MRPS6: variants seen among roughly 807,000 people sequenced by gnomAD.
The protein encoded by MRPS6 is small ribosomal subunit protein bS6m.
MRPS6 carries 6 observed loss-of-function variants against 13.1 expected under a neutral mutation model. The observed-to-expected ratio is 0.46, with a 90% CI of 0.25 to 0.91. The LOEUF (loss-of-function observed/expected upper bound fraction) is 0.91. MRPS6 is among the 40% of genes least tolerant of loss of function. MRPS6 has a pLI of 0.18. For missense variants in MRPS6, 164 were observed against 155.6 expected, an observed-to-expected ratio of 1.05 and a Z score of -0.29; for synonymous variants, 61 against 56.5, an observed-to-expected ratio of 1.08 and a Z score of -0.36.
At chr21:34,132,931 GTC>G (rs1980553934) in intron 2 of MRPS6, among the ~76,000 whole-genome samples, 2 of 152,164 alleles carry the variant, frequency 1.3e-5, no homozygotes, top group South Asian at 2.1e-4. Flanking sequence ...ACCTTTTTGA[GTC>G]TCTCTTCTTA....
In MRPS6 at chr21:34,142,690, T is replaced by C; in HGVS notation, c.*90T>C. On this transcript the variant is annotated 3_prime_UTR_variant, in exon 3 of 3. Transcript: ENST00000399312. ...GAAGAATTTGCAAGTTTGGCCTTTA[T>C]ATAAGCATGTGTTGCAGGTGCTGTT... The C allele has an allele frequency of 1.4e-6, 2 of 1,396,780 alleles. No homozygotes were observed. Among genetic ancestry groups the C allele is most frequent in the East Asian group, 2.6e-5 (1 of 38,648 alleles). The allele number at this position is 1,396,780 out of a possible 1,614,324, so 86.5% of individuals were successfully genotyped here. A position where few individuals can be genotyped will look rare whatever the true frequency, so the allele number is the denominator to read the frequency against.
At chr21:34,076,444 AT>A (rs1569411359) in intron 1 of MRPS6, among the ~76,000 whole-genome samples, 1 of 152,222 alleles carries the variant, frequency 6.6e-6, no homozygotes, top group Non-Finnish European at 1.5e-5. Context: ...AGTCAGTCAT[AT>A]TGAACTATAC....
chr21:34,098,297 A>G, intron 1 of MRPS6: 1 of 1,000,092 alleles, frequency 1.0e-6, no homozygotes, highest in Non-Finnish European at 1.2e-6. Flanking sequence ...ATGCCTTCCT[A>G]GGTGGATCCA....
chr21:34,139,558 T>A (rs927213820), intron 2 of MRPS6, among the ~76,000 whole-genome samples: 1 of 152,174 alleles, frequency 6.6e-6, no homozygotes, highest in Non-Finnish European at 1.5e-5. Context: ...AGGAATTTGA[T>A]CATTTCATCT....
intron 1 of MRPS6, chr21:34,125,042 T>C (rs1260480925): frequency 4.6e-5 from 12 of 259,518 alleles, no homozygotes; most frequent in Admixed American, 4.1e-4. Context: ...GCCGAGGTGC[T>C]CTGAAGAAGC....
chr21:34,132,236 A>G (rs2123265743), intron 2 of MRPS6, among the ~76,000 whole-genome samples: 1 of 152,084 alleles, frequency 6.6e-6, no homozygotes, highest in African/African-American at 2.4e-5. Flanking sequence ...CGAATACAGT[A>G]AGGTCTGCCT....
At chr21:34,105,557 G>T in intron 1 of MRPS6, 1 of 999,768 alleles carries the variant, frequency 1.0e-6, no homozygotes, top group Non-Finnish European at 1.2e-6. Flanking sequence ...TGCTTATGAT[G>T]CTTTGTTCAG....
At chr21:34,109,541 G>A (rs770610235) in intron 1 of MRPS6, among the ~76,000 whole-genome samples, 102 of 152,172 alleles carry the variant, frequency 6.7e-4, no homozygotes, top group Admixed American at 3.2e-3. Context: ...ATTTAGAGCT[G>A]TGCCTGTGCC....
rs533974191 is a variant in MRPS6 at position 34,091,308 on chromosome 21, G to A, written c.45+17563G>A. ...CTTATGACTTGAAGCCCTGAGTATAGGAGATAATTTTTCTTGTTCCTTGTT... is the reference window on the plus strand; with the variant it reads ...CTTATGACTTGAAGCCCTGAGTATAAGAGATAATTTTTCTTGTTCCTTGTT... On this transcript the variant is annotated intron_variant, in intron 1 of 2. Transcript: ENST00000399312. 8.7e-4 allele frequency among the ~76,000 whole-genome samples: 133 copies of A among 152,256 alleles called. 1 individual carries two copies. In the South Asian group the frequency reaches 0.014, roughly 16 times the overall value.
intron 1 of MRPS6, among the ~76,000 whole-genome samples, chr21:34,086,874 T>C (rs1978415570): frequency 6.6e-6 from 1 of 152,154 alleles, no homozygotes; most frequent in Admixed American, 6.5e-5. Context: ...CTTGGGTTTC[T>C]GTTGGGTGAG....
In MRPS6 at chr21:34,115,598, T is replaced by C. The variant is rs566568405; in HGVS notation, c.46-9743T>C. On this transcript the variant is annotated intron_variant, in intron 1 of 2. Coordinates refer to ENST00000399312, the MANE Select transcript of MRPS6 (RefSeq NM_032476.4). Reference sequence around the variant, plus strand: ...TTATACCTCTCTGATTATTACTATATTGTTAAAAGCCTGGATGGACACGGA... The same window carrying C: ...TTATACCTCTCTGATTATTACTATACTGTTAAAAGCCTGGATGGACACGGA... 2.0e-4 allele frequency among the ~76,000 whole-genome samples: 30 copies of C among 152,312 alleles called. No homozygotes were observed. In the Middle Eastern group the frequency reaches 0.01, roughly 52 times the overall value.
At chr21:34,098,239 G>T (rs1478013620) in intron 1 of MRPS6, 2 of 999,312 alleles carry the variant, frequency 2.0e-6, no homozygotes, top group Non-Finnish European at 2.4e-6. Context: ...CATATATTCT[G>T]CTAATTTTCT....
intron 1 of MRPS6, chr21:34,097,295 T>C: frequency 6.2e-7 from 1 of 1,611,712 alleles, no homozygotes; most frequent in Non-Finnish European, 8.5e-7. Flanking sequence ...TAATACTAAA[T>C]ATTGGACTTT....
At chr21:34,088,744 C>T (rs1203637524) in intron 1 of MRPS6, among the ~76,000 whole-genome samples, 2 of 152,106 alleles carry the variant, frequency 1.3e-5, no homozygotes, top group African/African-American at 4.8e-5. Flanking sequence ...CTCATGGCTT[C>T]AGTTTTCTCA....
chr21:34,139,181 T>A (rs1980815083), intron 2 of MRPS6, among the ~76,000 whole-genome samples: 1 of 104,156 alleles, frequency 9.6e-6, no homozygotes, highest in Non-Finnish European at 1.8e-5. Flanking sequence ...CTCTGGGGAC[T>A]GTTGTGGGGT....
chr21:34,097,053 T>C, intron 1 of MRPS6: 2 of 1,614,142 alleles, frequency 1.2e-6, no homozygotes, highest in Non-Finnish European at 1.7e-6. Context: ...AGTGGCATCC[T>C]TAGGTCATTC....
At chr21:34,102,223 T>A (rs1188588382) in intron 1 of MRPS6, 1 of 999,790 alleles carries the variant, frequency 1.0e-6, no homozygotes, top group African/African-American at 1.7e-5. Flanking sequence ...TCAAAGTAAT[T>A]AACTGGCTTT....
chr21:34,079,430 C>T (rs1345665946), intron 1 of MRPS6, among the ~76,000 whole-genome samples: 5 of 150,852 alleles, frequency 3.3e-5, no homozygotes, highest in African/African-American at 1.2e-4. Context: ...TTGATTTCTC[C>T]CTTCTTCTTC....
intron 2 of MRPS6, among the ~76,000 whole-genome samples, chr21:34,133,173 G>C (rs999134915): frequency 1.3e-5 from 2 of 152,192 alleles, no homozygotes; most frequent in Non-Finnish European, 2.9e-5. Context: ...GAAAATTAGA[G>C]TCTTATGAAA....
Sources: allele counts gnomAD v4.1 joint callset (sites outside exome capture counted in the v4.1 genomes callset), GRCh38; gene constraint gnomAD v4.1.1; transcripts MANE v1.5; gene names NCBI Gene and HGNC (gene_info 2026-07-23, HGNC 2026-07-21).